The following COG2 variants were observed in gnomAD, a reference collection of about 807,000 sequenced individuals.
The protein encoded by COG2 is component of oligomeric golgi complex 2.
Under a neutral mutation model 90.6 loss-of-function variants are expected in COG2, and 52 were observed. The ratio of observed to expected loss-of-function variants is 0.57; its 90% confidence interval spans 0.46 to 0.72. The LOEUF is 0.72. Among genes scored for constraint, COG2 ranks in the 30% least tolerant of loss-of-function variants. The pLI, the probability that COG2 is intolerant of heterozygous loss-of-function variation, is 0.00. For missense variants in COG2, 829 were observed against 891.2 expected (o/e 0.93, Z 0.89); for synonymous variants, 337 against 320.4 (o/e 1.05, Z -0.55).
chr1:230,642,756 T>C lies in COG2; in HGVS notation c.72+78T>C, dbSNP rs1379317109. 4.3e-6 allele frequency: 6 copies of C among 1,410,836 alleles called. No individual in the cohort carries two copies. The African/African-American group carries it at 7.2e-5, about 17-fold the overall frequency. The allele number at this position is 1,410,836 out of a possible 1,614,324, so 87.4% of individuals were successfully genotyped here. A position where few individuals can be genotyped will look rare whatever the true frequency, so the allele number is the denominator to read the frequency against. On this transcript the variant is annotated intron_variant, in intron 1 of 17. Transcript: ENST00000366669. ...GTGCCCTCTGTGGCGGTCTCTTCGGTCGGCTGCTCCTGCCTGCGCACGCTC... is the reference window on the plus strand; with the variant it reads ...GTGCCCTCTGTGGCGGTCTCTTCGGCCGGCTGCTCCTGCCTGCGCACGCTC...
In COG2 at chr1:230,685,241, G is replaced by A. The variant is rs1352305914; in HGVS notation, c.1380+5G>A. The A allele has an allele frequency of 6.2e-7, 1 of 1,614,062 alleles. No homozygotes were observed. Among genetic ancestry groups the A allele is most frequent in the Non-Finnish European group, 8.5e-7 (1 of 1,180,012 alleles). ...TACTCTGTGTTTGTCAATGAGGTAA[G>A]GGCTGGCTGTGGAGCTCATCCATAA... On this transcript the variant is annotated splice_donor_5th_base_variant and intron_variant, in intron 12 of 17. Coordinates refer to ENST00000366669, the MANE Select transcript of COG2 (RefSeq NM_007357.3).
rs1266518235 is a variant in COG2, at chr1:230,669,514, A to G, written c.753A>G (p.Leu251=). 3.7e-6 allele frequency: 6 copies of G among 1,613,860 alleles called. No individual in the cohort carries two copies. Among genetic ancestry groups the G allele is most frequent in the Non-Finnish European group, 4.2e-6 (5 of 1,179,916 alleles). The change falls in exon 7 of 18, where the codon CTA becomes CTG. Residue 251 remains leucine (L), a synonymous_variant. Coordinates refer to ENST00000366669, the MANE Select transcript of COG2 (RefSeq NM_007357.3). ...RDAEALVGQV[L]VKPYIDEVII... ...CGGAGGCCTTAGTTGGCCAAGTACT[A>G]GTGAAACCATACATAGACGAGGTCT... is the stretch of plus-strand genomic sequence containing the variant.
chr1:230,642,767 T>G, intron 1 of COG2, 89 bp downstream of exon 1: 1 of 1,288,650 alleles, frequency 7.8e-7, no homozygotes, highest in Non-Finnish European at 1.1e-6. Flanking sequence ...CGGCTGCTCC[T>G]GCCTGCGCAC....
chr1:230,645,800 G>C (rs1223206727), intron 1 of COG2, among the ~76,000 whole-genome samples: 1 of 152,088 alleles, frequency 6.6e-6, no homozygotes, highest in Admixed American at 6.5e-5. Flanking sequence ...TCAGCATTAG[G>C]TTTTCATAAG....
At position 230,693,414 on chromosome 1, in the gene COG2, G is replaced by T. The variant is rs750205055; in HGVS notation, c.*21G>T. The T allele has an allele frequency of 1.3e-6, 2 of 1,502,008 alleles. No individual in the cohort carries two copies. The highest frequency in any genetic ancestry group is 2.3e-5 in the South Asian group (2 of 85,980). 93.0% of individuals were successfully genotyped at this position (1,502,008 alleles called of 1,614,324 possible). A position where few individuals can be genotyped will look rare whatever the true frequency, so the allele number is the denominator to read the frequency against. On this transcript the variant is annotated 3_prime_UTR_variant, in exon 18 of 18. Coordinates refer to ENST00000366669, the MANE Select transcript of COG2 (RefSeq NM_007357.3). ...CTTAAGCATCTTGGAAGATCCCGAG[G>T]TTAGATTCTTAAGCAAGAGAAGAGT... is the stretch of plus-strand genomic sequence containing the variant.
intron 10 of COG2, 116 bp from the exon 11 acceptor site, chr1:230,683,458 G>T: frequency 1.4e-6 from 1 of 723,590 alleles, no homozygotes; most frequent in South Asian, 1.6e-5. Context: ...TCCGAGGCTG[G>T]ACTTACCAGT....
intron 17 of COG2, 104 bp from the exon 18 acceptor site, chr1:230,693,188 C>T: frequency 1.5e-6 from 1 of 657,028 alleles, no homozygotes; most frequent in Non-Finnish European, 2.7e-6. Flanking sequence ...CTTCAGGGAA[C>T]TGTCTTCTGG....
intron 12 of COG2, among the ~76,000 whole-genome samples, chr1:230,686,226 T>C (rs1571963370): frequency 6.6e-6 from 1 of 152,162 alleles, no homozygotes; most frequent in Admixed American, 6.5e-5. Flanking sequence ...GAAATCTAGT[T>C]TGTGTTTCCC....
At position 230,668,631 on chromosome 1, in the gene COG2, T is replaced by C. The variant is rs371303586; in HGVS notation, c.486-45T>C. ...GGCGTGTGATGTATTCTCGTGGAAA[T>C]AGAGACCTTAGGGGTTACACTTCTA... On this transcript the variant is annotated intron_variant, in intron 5 of 17. Transcript: ENST00000366669. 1.2e-5 allele frequency: 14 copies of C among 1,184,230 alleles called. No individual in the cohort carries two copies. In the African/African-American group the frequency reaches 1.4e-4, roughly 12 times the overall value. The allele number at this position is 1,184,230 out of a possible 1,614,324, so 73.4% of individuals were successfully genotyped here. A position where few individuals can be genotyped will look rare whatever the true frequency, so the allele number is the denominator to read the frequency against.
intron 1 of COG2, among the ~76,000 whole-genome samples, chr1:230,657,963 C>G (rs1662104269): frequency 6.6e-6 from 1 of 152,084 alleles, no homozygotes; most frequent in Non-Finnish European, 1.5e-5. Flanking sequence ...GTTAGCAATT[C>G]ATCTAACCTT....
At chr1:230,675,919 T>C (rs1662581089) in intron 9 of COG2, among the ~76,000 whole-genome samples, 1 of 151,778 alleles carries the variant, frequency 6.6e-6, no homozygotes, top group Non-Finnish European at 1.5e-5. Flanking sequence ...CCTTCCAAAG[T>C]GCTAGGATTT....
chr1:230,665,078 T>C (rs1450217474), intron 5 of COG2, among the ~76,000 whole-genome samples: 2 of 152,248 alleles, frequency 1.3e-5, no homozygotes, highest in African/African-American at 4.8e-5. Flanking sequence ...TCCTTTGTTA[T>C]ACTGTAGTGT....
At chr1:230,669,326 T>A in intron 6 of COG2, 30 bp from the exon 7 acceptor site, 1 of 1,583,732 alleles carries the variant, frequency 6.3e-7, no homozygotes, top group Non-Finnish European at 8.6e-7. Flanking sequence ...AACTAGAGCT[T>A]TTTTTTTATT....
At chr1:230,664,780 G>A (rs1053526687) in intron 5 of COG2, among the ~76,000 whole-genome samples, 193 bp downstream of exon 5, 5 of 152,154 alleles carry the variant, frequency 3.3e-5, no homozygotes, top group Non-Finnish European at 7.3e-5. Context: ...CTTGATGGTC[G>A]TAGGCCACTG....
intron 8 of COG2, among the ~76,000 whole-genome samples, chr1:230,674,160 A>G (rs1236563042): frequency 6.6e-6 from 1 of 152,224 alleles, no homozygotes; most frequent in Non-Finnish European, 1.5e-5. Context: ...TTTAACCGTT[A>G]CTAACATAGG....
chr1:230,675,012 C>G lies in COG2; in HGVS notation c.914C>G (p.Thr305Ser). 6 of 1,609,648 alleles carry G rather than the reference C, an allele frequency of 3.7e-6. No homozygotes were observed. Among genetic ancestry groups the G allele is most frequent in the Non-Finnish European group, 5.1e-6 (6 of 1,177,890 alleles). The stretch of plus-strand genomic sequence containing the variant: ...TTATTTTACAGTGAAAAAGGCAATA[C>G]TGTTCCTGGATATGACTTTTTGGTG... ...GGAISSEKGN[T>S]VPGYDFLVNS... The change falls in exon 9 of 18, where the codon ACT becomes AGT. Residue 305 changes from threonine to serine, a missense_variant. Coordinates refer to ENST00000366669, the MANE Select transcript of COG2 (RefSeq NM_007357.3).
chr1:230,675,062 C>T lies in COG2; in HGVS notation c.964C>T (p.Gln322Ter). 6.2e-7 allele frequency: 1 copy of T among 1,612,964 alleles called. No individual in the cohort carries two copies. The highest frequency in any genetic ancestry group is 8.5e-7 in the Non-Finnish European group (1 of 1,179,472). Residue 322 changes from glutamine to a stop codon, truncating the protein, a stop_gained, in exon 9 of 18, where the codon CAA becomes TAA. Transcript: ENST00000366669. LOFTEE classifies it high-confidence loss of function. The part of the protein sequence containing the change: ...LVNSVWPQIV[Q>*]GLEEKLPSLF... Reference sequence around the variant, plus strand: ...GAATTCTGTTTGGCCACAAATAGTACAAGGATTAGAAGAAAAGTTACCCTC... The same window carrying T: ...GAATTCTGTTTGGCCACAAATAGTATAAGGATTAGAAGAAAAGTTACCCTC...
chr1:230,665,498 A>T (rs1194685416), intron 5 of COG2, among the ~76,000 whole-genome samples: 2 of 152,214 alleles, frequency 1.3e-5, no homozygotes, highest in African/African-American at 2.4e-5. Context: ...TATCAAGACA[A>T]GTTGGATTTC....
chr1:230,688,212 T>TA, intron 14 of COG2, 69 bp downstream of exon 14: 1 of 1,261,482 alleles, frequency 7.9e-7, no homozygotes, highest in African/African-American at 1.5e-5. Context: ...TCAGAGACTG[T>TA]AGGGTATATT....
Sources: allele counts gnomAD v4.1 joint callset (sites outside exome capture counted in the v4.1 genomes callset), GRCh38; gene constraint gnomAD v4.1.1; transcripts MANE v1.5; gene names NCBI Gene and HGNC (gene_info 2026-07-23, HGNC 2026-07-21).